MAP2K6: variants seen among roughly 807,000 people sequenced by gnomAD.
The protein encoded by MAP2K6 is dual specificity mitogen-activated protein kinase kinase 6.
Under a neutral mutation model 53.7 loss-of-function variants are expected in MAP2K6, and 16 were observed. That is an observed-to-expected ratio of 0.30 (90% confidence interval 0.20 to 0.45). The LOEUF (loss-of-function observed/expected upper bound fraction) is 0.45, where lower values mean the gene tolerates loss of function less well. Ranked by LOEUF, MAP2K6 falls within the 20% of genes least tolerant of loss-of-function variation. The pLI is 1.00. For synonymous variants in MAP2K6, 132 were observed against 143.1 expected (o/e 0.92, Z 0.55); for missense variants, 204 against 411.9 (o/e 0.50, Z 4.37).
intron 1 of MAP2K6, among the ~76,000 whole-genome samples, chr17:69,441,077 G>T (rs183196262): frequency 1.3e-5 from 2 of 152,210 alleles, no homozygotes; most frequent in East Asian, 3.9e-4. Flanking sequence ...GTGACTATAG[G>T]TATAGTAAAC....
chr17:69,525,014 TG>T (rs751320114), intron 9 of MAP2K6, 36 bp downstream of exon 9: 9 of 1,570,788 alleles, frequency 5.7e-6, no homozygotes, highest in South Asian at 3.3e-5. Context: ...TATGAGGTTG[TG>T]GGTAATGAAA....
chr17:69,551,888 G>A lies in MAP2K6; in HGVS notation c.*10135G>A, dbSNP rs188427574. 2 of 152,236 alleles carry A rather than the reference G, an allele frequency of 1.3e-5. No individual in the cohort carries two copies. Among genetic ancestry groups the A allele is most frequent in the African/African-American group, 2.4e-5 (1 of 41,554 alleles). The allele number at this position is 152,236 out of a possible 1,614,324, so 9.4% of individuals were successfully genotyped here. On this transcript the variant is annotated 3_prime_UTR_variant, in exon 12 of 12. Coordinates refer to ENST00000590474, the MANE Select transcript of MAP2K6 (RefSeq NM_002758.4). Reference sequence around the variant, plus strand: ...TTCACATTATTTAAATACATGAACAGTTTTCTATATATTTTGTGAAAATCT... The same window carrying A: ...TTCACATTATTTAAATACATGAACAATTTTCTATATATTTTGTGAAAATCT...
At chr17:69,500,578 A>C (rs1357826852) in intron 1 of MAP2K6, among the ~76,000 whole-genome samples, 1 of 151,866 alleles carries the variant, frequency 6.6e-6, no homozygotes, top group Non-Finnish European at 1.5e-5. Flanking sequence ...AACATGGTGA[A>C]ACCCCATCTG....
intron 4 of MAP2K6, 51 bp downstream of exon 4, chr17:69,517,664 T>C (rs771375615): frequency 2.4e-6 from 3 of 1,266,376 alleles, no homozygotes; most frequent in African/African-American, 3.0e-5. Flanking sequence ...TATACATTTG[T>C]CCACCTCAAT....
chr17:69,415,784 A>G (rs1229575403), intron 1 of MAP2K6, among the ~76,000 whole-genome samples: 1 of 152,248 alleles, frequency 6.6e-6, no homozygotes, highest in Non-Finnish European at 1.5e-5. Flanking sequence ...TGTTTCATTG[A>G]CAAGCATAAT....
At chr17:69,491,290 C>T (rs529642797) in intron 1 of MAP2K6, among the ~76,000 whole-genome samples, 364 of 152,196 alleles carry the variant, frequency 2.4e-3, no homozygotes, top group Admixed American at 3.5e-3. Flanking sequence ...ATTACAGGCA[C>T]GTGCCACCAC....
intron 11 of MAP2K6, among the ~76,000 whole-genome samples, chr17:69,537,284 T>G (rs901273495): frequency 6.6e-6 from 1 of 152,248 alleles, no homozygotes; most frequent in Non-Finnish European, 1.5e-5. Flanking sequence ...CTAATTTATG[T>G]TAATTCCTAG....
chr17:69,520,857 G>A (rs983545947), intron 6 of MAP2K6, 192 bp from the exon 7 acceptor site: 2 of 496,612 alleles, frequency 4.0e-6, no homozygotes, highest in African/African-American at 4.0e-5. Context: ...TCTGATATAA[G>A]ATACAGTCCT....
At chr17:69,469,327 C>A (rs1255384056) in intron 1 of MAP2K6, among the ~76,000 whole-genome samples, 2 of 152,246 alleles carry the variant, frequency 1.3e-5, no homozygotes, top group African/African-American at 4.8e-5. Flanking sequence ...CCTGATCAAT[C>A]ATTAACTTTA....
At chr17:69,483,136 AAAG>A (rs1908407011) in intron 1 of MAP2K6, among the ~76,000 whole-genome samples, 1 of 151,800 alleles carries the variant, frequency 6.6e-6, no homozygotes, top group Non-Finnish European at 1.5e-5. Flanking sequence ...CCACACTGGA[AAAG>A]AAGAAGTAAG....
intron 10 of MAP2K6, among the ~76,000 whole-genome samples, chr17:69,530,912 G>A (rs1390252288): frequency 1.3e-5 from 2 of 152,102 alleles, no homozygotes; most frequent in Non-Finnish European, 2.9e-5. Context: ...TGGAAAGAAT[G>A]GAAAAGTGAT....
chr17:69,526,149 C>T (rs1910757050), intron 9 of MAP2K6, among the ~76,000 whole-genome samples: 1 of 152,160 alleles, frequency 6.6e-6, no homozygotes, highest in Non-Finnish European at 1.5e-5. Flanking sequence ...TGCTTTTTCT[C>T]CCTGTCATTT....
chr17:69,524,431 G>A (rs1910653882), intron 8 of MAP2K6, among the ~76,000 whole-genome samples: 1 of 150,456 alleles, frequency 6.6e-6, no homozygotes, highest in Non-Finnish European at 1.5e-5. Flanking sequence ...TTTAACTGGA[G>A]GAACGGCCAC....
intron 1 of MAP2K6, among the ~76,000 whole-genome samples, chr17:69,421,742 A>G (rs1906088330): frequency 6.6e-6 from 1 of 151,494 alleles, no homozygotes; most frequent in Non-Finnish European, 1.5e-5. Flanking sequence ...ATGGGATTTC[A>G]CCGTGTTAGC....
chr17:69,512,339 G>GTTTTTTTTTTTTTTTTTT (rs746993199), intron 2 of MAP2K6, among the ~76,000 whole-genome samples: 5 of 82,132 alleles, frequency 6.1e-5, no homozygotes, highest in African/African-American at 1.0e-4. Flanking sequence ...TTTTTTTTTT[G>GTTTTTTTTTTTTTTTTTT]TTTTTTTTTT....
chr17:69,464,669 G>T (rs970646337), intron 1 of MAP2K6, among the ~76,000 whole-genome samples: 1 of 151,472 alleles, frequency 6.6e-6, no homozygotes, highest in Non-Finnish European at 1.5e-5. Context: ...GGTGTTAGCC[G>T]CCGCTACTTA....
chr17:69,487,892 C>A (rs1046273187), intron 1 of MAP2K6, among the ~76,000 whole-genome samples: 1 of 152,104 alleles, frequency 6.6e-6, no homozygotes, highest in African/African-American at 2.4e-5. Flanking sequence ...TAAAGAAAAT[C>A]TTATGAAATT....
intron 11 of MAP2K6, among the ~76,000 whole-genome samples, chr17:69,540,890 G>A (rs1400137096): frequency 6.6e-6 from 1 of 152,176 alleles, no homozygotes; most frequent in Non-Finnish European, 1.5e-5. Flanking sequence ...AACGTCAAGG[G>A]CGAGGGCTAC....
intron 1 of MAP2K6, among the ~76,000 whole-genome samples, chr17:69,490,910 T>C (rs1908720006): frequency 6.6e-6 from 1 of 151,976 alleles, no homozygotes; most frequent in East Asian, 1.9e-4. Context: ...TGTTGTTCCC[T>C]CATGTGTCCG....
Sources: allele counts gnomAD v4.1 joint callset (sites outside exome capture counted in the v4.1 genomes callset), GRCh38; gene constraint gnomAD v4.1.1; transcripts MANE v1.5; gene names NCBI Gene and HGNC (gene_info 2026-07-23, HGNC 2026-07-21).